SUMF1: variants seen among roughly 807,000 people sequenced by gnomAD.
The protein encoded by SUMF1 is formylglycine-generating enzyme.
Under a neutral mutation model 47.6 loss-of-function variants are expected in SUMF1, and 48 were observed. The observed-to-expected ratio is 1.01, with a 90% CI of 0.80 to 1.28. The LOEUF is 1.28. SUMF1 is among the 50% of genes most tolerant of loss of function. The pLI is 0.00. For missense variants in SUMF1, 571 were observed against 485.4 expected (o/e 1.18, Z -1.66); for synonymous variants, 230 against 192.1 (o/e 1.20, Z -1.63).
chr3:4,128,142 A>T lies in SUMF1; in HGVS notation c.1015-59397T>A, dbSNP rs373181542. On this transcript the variant is annotated intron_variant and NMD_transcript_variant, in intron 8 of 12. Transcript: ENST00000448413. ...CAGATACTGAGCTTCAAATCTGCTA[A>T]GATTGCCCTGAGTAAGATTCTTATC... is the stretch of plus-strand genomic sequence containing the variant. Among the ~76,000 whole-genome samples the T allele has an allele frequency of 7.9e-5, 12 of 152,274 alleles. 2 individuals carry two copies. Among genetic ancestry groups the T allele is most frequent in the Admixed American group, 6.5e-5 (1 of 15,294 alleles).
chr3:4,167,054 C>T lies in SUMF1; in HGVS notation c.1015-98309G>A, dbSNP rs143971093. Among the ~76,000 whole-genome samples the T allele has an allele frequency of 4.2e-3, 642 of 152,106 alleles. 6 individuals are homozygous for T. Among genetic ancestry groups the T allele is most frequent in the African/African-American group, 0.014 (570 of 41,450 alleles). On this transcript the variant is annotated intron_variant and NMD_transcript_variant, in intron 8 of 12. Coordinates refer to the SUMF1 transcript ENST00000448413. Reference sequence around the variant, plus strand: ...GGTTCTGATGGTACTCACCACGTGGCGATACCCCGGATAAGCCCCCAAGAT... The same window carrying T: ...GGTTCTGATGGTACTCACCACGTGGTGATACCCCGGATAAGCCCCCAAGAT...
intron 8 of SUMF1, among the ~76,000 whole-genome samples, chr3:4,341,617 T>C (rs1206630258): frequency 6.6e-6 from 1 of 152,224 alleles, no homozygotes; most frequent in Non-Finnish European, 1.5e-5. Flanking sequence ...TTTTGACACT[T>C]GTCATTTGAA....
At chr3:4,099,801 T>C (rs571028781) in intron 8 of SUMF1, among the ~76,000 whole-genome samples, 97 of 151,808 alleles carry the variant, frequency 6.4e-4, no homozygotes, top group Non-Finnish European at 1.1e-3. Flanking sequence ...AGTGTTTCTA[T>C]ACACTAACCA....
chr3:4,194,076 C>T (rs1371855796), intron 8 of SUMF1, among the ~76,000 whole-genome samples: 3 of 151,990 alleles, frequency 2.0e-5, no homozygotes, highest in African/African-American at 7.2e-5. Context: ...AATAGATGAC[C>T]ACCATGATCA....
At chr3:4,435,401 G>A (rs1327873859) in intron 3 of SUMF1, among the ~76,000 whole-genome samples, 1 of 152,020 alleles carries the variant, frequency 6.6e-6, no homozygotes, top group Non-Finnish European at 1.5e-5. Flanking sequence ...CAAGCCTAAG[G>A]AACCTCTGGG....
At chr3:4,195,439 A>G (rs1424292836) in intron 8 of SUMF1, among the ~76,000 whole-genome samples, 2 of 152,146 alleles carry the variant, frequency 1.3e-5, no homozygotes, top group Non-Finnish European at 2.9e-5. Context: ...CAACAAGGCA[A>G]GAGCTGTACC....
chr3:4,167,386 T>A lies in SUMF1; in HGVS notation c.1015-98641A>T, dbSNP rs374202700. Among the ~76,000 whole-genome samples, 172 of 152,244 alleles carry A rather than the reference T, an allele frequency of 1.1e-3. 2 individuals carry two copies. The South Asian group carries it at 0.018, about 16-fold the overall frequency. ...TCCCTGTGACTGGCTACTCTTAGACTCCTGCTGAATGGTCCATTTTATAAA... is the reference window on the plus strand; with the variant it reads ...TCCCTGTGACTGGCTACTCTTAGACACCTGCTGAATGGTCCATTTTATAAA... On this transcript the variant is annotated intron_variant and NMD_transcript_variant, in intron 8 of 12. Transcript: ENST00000448413.
chr3:4,094,452 T>C (rs755057083), intron 8 of SUMF1, among the ~76,000 whole-genome samples: 26 of 152,114 alleles, frequency 1.7e-4, no homozygotes, highest in Admixed American at 7.2e-4. Context: ...GATATCAGTG[T>C]AGTGAAAAAT....
In SUMF1 at chr3:4,395,135, G is replaced by A. The variant is rs1008799379; in HGVS notation, c.954+15730C>T. ...TGAAAATACTGAAGCTCAGAGAGAT[G>A]AAATAAATGGCATCCCCAAGATCAC... On this transcript the variant is annotated intron_variant, in intron 7 of 8. Transcript: ENST00000272902. 3.3e-5 allele frequency among the ~76,000 whole-genome samples: 5 copies of A among 152,014 alleles called. No homozygotes were observed. In the East Asian group the frequency reaches 7.7e-4, roughly 23 times the overall value.
chr3:4,066,624 C>T (rs1333285305), intron 9 of SUMF1, among the ~76,000 whole-genome samples: 1 of 152,074 alleles, frequency 6.6e-6, no homozygotes, highest in Non-Finnish European at 1.5e-5. Flanking sequence ...TTCTTAATTT[C>T]TGTTTTCTAA....
intron 8 of SUMF1, among the ~76,000 whole-genome samples, chr3:4,258,198 A>G (rs1697000226): frequency 6.7e-6 from 1 of 149,742 alleles, no homozygotes; most frequent in African/African-American, 2.5e-5. Context: ...GGACATAGGC[A>G]CGGGCAAGGA....
chr3:4,048,540 C>T (rs186220372), intron 9 of SUMF1, among the ~76,000 whole-genome samples: 2 of 151,884 alleles, frequency 1.3e-5, no homozygotes. Context: ...TAAATAATTC[C>T]CCCTGTTATA....
At chr3:4,374,901 C>T (rs190177549) in intron 8 of SUMF1, among the ~76,000 whole-genome samples, 1 of 152,050 alleles carries the variant, frequency 6.6e-6, no homozygotes, top group East Asian at 1.9e-4. Context: ...GTGGCTGATG[C>T]CTGTAATCCC....
At chr3:4,166,941 T>A (rs1694720941) in intron 8 of SUMF1, among the ~76,000 whole-genome samples, 1 of 152,136 alleles carries the variant, frequency 6.6e-6, no homozygotes, top group Non-Finnish European at 1.5e-5. Context: ...GTCCAGCGGC[T>A]GCACTAGTCA....
At chr3:4,142,615 C>T (rs795294) in intron 8 of SUMF1, among the ~76,000 whole-genome samples, 49,282 of 151,842 alleles carry the variant, frequency 0.32, 8,387 homozygotes, top group East Asian at 0.57. Flanking sequence ...CTACAAAATA[C>T]AGATAAAGGC....
At chr3:4,119,151 C>T (rs968453868) in intron 8 of SUMF1, among the ~76,000 whole-genome samples, 6 of 152,124 alleles carry the variant, frequency 3.9e-5, no homozygotes, top group African/African-American at 1.4e-4. Context: ...ACTCCTTCCT[C>T]AACCTTCAGA....
chr3:4,156,026 T>A (rs980205), intron 8 of SUMF1, among the ~76,000 whole-genome samples: 96,669 of 150,882 alleles, frequency 0.64, 31,535 homozygotes, highest in South Asian at 0.73. Flanking sequence ...CATCTGAAAG[T>A]AAGAAAGAAA....
intron 3 of SUMF1, among the ~76,000 whole-genome samples, chr3:4,420,580 T>C (rs1294457501): frequency 1.3e-5 from 2 of 151,990 alleles, no homozygotes; most frequent in Non-Finnish European, 2.9e-5. Context: ...GTATTTTTAC[T>C]AGAGACAGGG....
chr3:4,261,726 C>T (rs933013397), intron 8 of SUMF1, among the ~76,000 whole-genome samples: 2 of 152,190 alleles, frequency 1.3e-5, no homozygotes, highest in African/African-American at 4.8e-5. Context: ...AAAATCTATC[C>T]ATGTTCACTT....
Sources: gnomAD v4.1 joint callset for allele counts (sites outside exome capture counted in the v4.1 genomes callset) on GRCh38, gnomAD v4.1.1 for gene constraint, MANE v1.5 for transcripts, NCBI Gene and HGNC (gene_info 2026-07-23, HGNC 2026-07-21) for gene names.